The following RANBP2 variants were observed in gnomAD, a reference collection of about 807,000 sequenced individuals.
RANBP2 encodes E3 SUMO-protein ligase RanBP2.
RANBP2 carries 57 observed loss-of-function variants against 303.6 expected under a neutral mutation model. The observed-to-expected ratio is 0.19, with a 90% CI of 0.15 to 0.23. The LOEUF (loss-of-function observed/expected upper bound fraction) is 0.23, where lower values mean the gene tolerates loss of function less well. RANBP2 is among the 10% of genes least tolerant of loss of function. The pLI is 1.00. For synonymous variants in RANBP2, 1,167 were observed against 1,301.5 expected (o/e 0.90, Z 2.23); for missense variants, 3,138 against 3,780.8 (o/e 0.83, Z 4.46).
chr2:109,580,587 T>C, the RANBP2 span, among the ~76,000 whole-genome samples: 1 of 152,082 alleles, frequency 6.6e-6, no homozygotes, highest in South Asian at 2.1e-4. Context: ...TCCTACAAAA[T>C]ACTGCAGGTC....
chr2:109,584,781 A>T, the RANBP2 span, among the ~76,000 whole-genome samples: 2 of 152,292 alleles, frequency 1.3e-5, no homozygotes, highest in Admixed American at 1.3e-4. Flanking sequence ...TTGTTCTTAT[A>T]TGTCTTGTAT....
the RANBP2 span, among the ~76,000 whole-genome samples, chr2:109,382,641 A>G: frequency 6.6e-6 from 1 of 152,098 alleles, no homozygotes; most frequent in African/African-American, 2.4e-5. Flanking sequence ...CACATCTTCA[A>G]ATCCTTCTGG....
chr2:109,328,849 C>A, the RANBP2 span, among the ~76,000 whole-genome samples: 1 of 152,302 alleles, frequency 6.6e-6, no homozygotes, highest in Non-Finnish European at 1.5e-5. Flanking sequence ...GGTGGAATGT[C>A]TGAGTGTCAA....
chr2:109,549,732 GT>G, the RANBP2 span, among the ~76,000 whole-genome samples: 2 of 152,120 alleles, frequency 1.3e-5, no homozygotes, highest in Non-Finnish European at 2.9e-5. Flanking sequence ...CATACCCTAT[GT>G]TTTTTCCTAT....
chr2:109,055,821 C>T, the RANBP2 span, among the ~76,000 whole-genome samples: 12 of 143,302 alleles, frequency 8.4e-5, no homozygotes, highest in Admixed American at 5.7e-4. Context: ...AGTGCAGTGG[C>T]GCGATCTTGG....
chr2:108,723,435 C>T (rs549575158), intron 1 of RANBP2, among the ~76,000 whole-genome samples: 62 of 152,126 alleles, frequency 4.1e-4, no homozygotes, highest in Non-Finnish European at 7.8e-4. Context: ...CCACCACACC[C>T]GGCTAATTTT....
chr2:109,489,280 G>C, the RANBP2 span, among the ~76,000 whole-genome samples: 23 of 152,250 alleles, frequency 1.5e-4, no homozygotes, highest in Non-Finnish European at 2.6e-4. Context: ...ACCTTATCGG[G>C]TGGAGACCCT....
At chr2:109,483,263 C>A in the RANBP2 span, among the ~76,000 whole-genome samples, 2 of 152,222 alleles carry the variant, frequency 1.3e-5, no homozygotes, top group African/African-American at 4.8e-5. Flanking sequence ...AACTTGCAAC[C>A]CGAGAGCCAG....
At chr2:109,412,391 T>A in the RANBP2 span, among the ~76,000 whole-genome samples, 1 of 152,182 alleles carries the variant, frequency 6.6e-6, no homozygotes, top group East Asian at 1.9e-4. Flanking sequence ...TGGCTGTGCT[T>A]TGCTTGTGCT....
At chr2:109,799,125 G>T in the RANBP2 span, among the ~76,000 whole-genome samples, 1 of 31,568 alleles carries the variant, frequency 3.2e-5, no homozygotes, top group Non-Finnish European at 5.1e-5. Flanking sequence ...AAAATTAGCT[G>T]GGCATGGTGG....
chr2:109,059,606 G>A, the RANBP2 span, among the ~76,000 whole-genome samples: 86 of 151,402 alleles, frequency 5.7e-4, no homozygotes, highest in Non-Finnish European at 8.4e-4. Flanking sequence ...CAACATGGCC[G>A]TTGTCCAGGG....
At chr2:109,024,821 G>A in the RANBP2 span, among the ~76,000 whole-genome samples, 1 of 152,146 alleles carries the variant, frequency 6.6e-6, no homozygotes, top group Non-Finnish European at 1.5e-5. Flanking sequence ...ATTTTAAATT[G>A]ATATTCTTTT....
the RANBP2 span, among the ~76,000 whole-genome samples, chr2:109,316,642 C>T: frequency 6.6e-6 from 1 of 152,194 alleles, no homozygotes; most frequent in African/African-American, 2.4e-5. Context: ...CATGTGCAGC[C>T]TTTCCATCAG....
the RANBP2 span, among the ~76,000 whole-genome samples, chr2:109,422,260 C>T: frequency 5.2e-4 from 79 of 152,346 alleles, no homozygotes; most frequent in African/African-American, 1.9e-3. Context: ...GGACTCCAGC[C>T]AGGGCCCAGA....
At chr2:109,555,013 A>G in the RANBP2 span, among the ~76,000 whole-genome samples, 1 of 152,200 alleles carries the variant, frequency 6.6e-6, no homozygotes, top group Admixed American at 6.5e-5. Context: ...TACAGATACC[A>G]GATTACAGCC....
the RANBP2 span, among the ~76,000 whole-genome samples, chr2:108,983,002 T>TA: frequency 2.0e-5 from 3 of 152,188 alleles, no homozygotes; most frequent in African/African-American, 7.2e-5. Flanking sequence ...AAATGGTACT[T>TA]ATTGGAGATT....
At chr2:109,394,604 C>G in the RANBP2 span, among the ~76,000 whole-genome samples, 1 of 152,184 alleles carries the variant, frequency 6.6e-6, no homozygotes, top group African/African-American at 2.4e-5. Context: ...AAAATGTGTT[C>G]TCTTTCCATT....
chr2:109,629,300 A>AAGATAGAT, the RANBP2 span, among the ~76,000 whole-genome samples: 4 of 105,816 alleles, frequency 3.8e-5, no homozygotes, highest in Non-Finnish European at 7.4e-5. Context: ...ACCTGGCCTA[A>AAGATAGAT]AGATATATAT....
At chr2:109,519,369 C>T in the RANBP2 span, among the ~76,000 whole-genome samples, 1 of 152,236 alleles carries the variant, frequency 6.6e-6, no homozygotes, top group Non-Finnish European at 1.5e-5. Context: ...GATTACATTT[C>T]AACACGAGAT....
Sources: allele counts gnomAD v4.1 joint callset (sites outside exome capture counted in the v4.1 genomes callset), GRCh38; gene constraint gnomAD v4.1.1; transcripts MANE v1.5; gene names NCBI Gene and HGNC (gene_info 2026-07-23, HGNC 2026-07-21).